Variants in BRIX1 observed in about 807,000 individuals in gnomAD.
BRIX1 encodes biogenesis of ribosomes BRX1.
BRIX1 carries 15 observed loss-of-function variants against 44.0 expected under a neutral mutation model. That is an observed-to-expected ratio of 0.34 (90% CI 0.23 to 0.53). BRIX1 has a LOEUF of 0.53. BRIX1 is among the 20% of genes least tolerant of loss of function. The probability of loss-of-function intolerance (pLI) is 0.95; values close to 1 mark genes in which losing one functional copy is unlikely to be tolerated. For synonymous variants in BRIX1, 149 were observed against 135.4 expected, an observed-to-expected ratio of 1.10 and a Z score of -0.70; for missense variants, 420 against 432.8, an observed-to-expected ratio of 0.97 and a Z score of 0.26.
chr5:34,919,588 T>C (rs145128531), intron 2 of BRIX1, among the ~76,000 whole-genome samples: 181 of 152,296 alleles, frequency 1.2e-3, no homozygotes, highest in African/African-American at 4.2e-3. Context: ...TACCTAAATA[T>C]TGAGAAACAC....
rs939714131 is a variant in BRIX1, at chr5:34,919,374, TTTTG to T, written c.272-462_272-459del. On this transcript the variant is annotated intron_variant, in intron 2 of 9. Transcript: ENST00000336767. ...TATGTTGAGAGGTGCTTTGGGGTTT[TTTTG>T]TTTTTTGTTTTTTATTTTTAAAATT... Among the ~76,000 whole-genome samples, 9 of 151,922 alleles carry T rather than the reference TTTTG, an allele frequency of 5.9e-5. 1 individual carries two copies. The highest frequency in any genetic ancestry group is 2.0e-4 in the Admixed American group (3 of 15,270).
intron 1 of BRIX1, 127 bp from the exon 2 acceptor site, chr5:34,918,237 C>A: frequency 1.9e-6 from 1 of 528,194 alleles, no homozygotes; most frequent in Non-Finnish European, 3.4e-6. Context: ...CTTACTTGAG[C>A]CCAGGAACTT....
chr5:34,915,761 G>T lies in BRIX1; in HGVS notation c.23G>T (p.Arg8Leu). The T allele has an allele frequency of 6.2e-7, 1 of 1,604,008 alleles. No homozygotes were observed. The highest frequency in any genetic ancestry group is 1.1e-5 in the South Asian group (1 of 89,552). Residue 8 changes from arginine (R) to leucine (L), a missense_variant, in exon 1 of 10, where the codon CGG (arginine) becomes CTG (leucine). By Grantham distance (102) the Arg-to-Leu change is moderately radical (BLOSUM62 -2). Transcript: ENST00000336767. MAATKRK[R>L]RGGFAVQAKK... Reference sequence around the variant, plus strand: ...AAGATGGCGGCAACCAAGAGGAAACGGCGTGGAGGCTTTGCAGTTCAGGCG... The same window carrying T: ...AAGATGGCGGCAACCAAGAGGAAACTGCGTGGAGGCTTTGCAGTTCAGGCG...
chr5:34,915,725 G>A lies in BRIX1; in HGVS notation c.-14G>A, dbSNP rs749185134. 6.3e-7 allele frequency: 1 copy of A among 1,593,676 alleles called. No homozygotes were observed. The highest frequency in any genetic ancestry group is 8.5e-7 in the Non-Finnish European group (1 of 1,170,532). On this transcript the variant is annotated 5_prime_UTR_variant, in exon 1 of 10. Transcript: ENST00000336767. ...CGCCGGAAAGGAGGCCAAGAGCGCG[G>A]GCGGCGAGGCAAGATGGCGGCAACC...
chr5:34,924,778 G>T, intron 8 of BRIX1, 69 bp from the exon 9 acceptor site: 2 of 1,055,048 alleles, frequency 1.9e-6, no homozygotes, highest in Non-Finnish European at 1.5e-6. Flanking sequence ...TTATAATGAG[G>T]TTATAGCCAG....
At chr5:34,924,670 A>G (rs1157352680) in intron 8 of BRIX1, among the ~76,000 whole-genome samples, 177 bp from the exon 9 acceptor site, 1 of 152,216 alleles carries the variant, frequency 6.6e-6, no homozygotes, top group African/African-American at 2.4e-5. Flanking sequence ...ACAACTTCCT[A>G]TAAGTACTAA....
chr5:34,918,214 G>A (rs776412977), intron 1 of BRIX1, 150 bp from the exon 2 acceptor site: 1 of 511,212 alleles, frequency 2.0e-6, no homozygotes, highest in Non-Finnish European at 3.5e-6. Context: ...TAGATGCTGG[G>A]GTGGGAGGAT....
chr5:34,915,928 C>T (rs1764066194), intron 1 of BRIX1, 31 bp downstream of exon 1: 5 of 1,508,400 alleles, frequency 3.3e-6, no homozygotes, highest in Non-Finnish European at 4.4e-6. Flanking sequence ...GCTACACCTG[C>T]GGCGGCGGCT....
chr5:34,922,292 G>C lies in BRIX1; in HGVS notation c.386+5G>C. 6.6e-7 allele frequency: 1 copy of C among 1,526,266 alleles called. No individual in the cohort carries two copies. The highest frequency in any genetic ancestry group is 9.0e-7 in the Non-Finnish European group (1 of 1,108,910). 94.5% of individuals were successfully genotyped at this position (1,526,266 alleles called of 1,614,324 possible). ...AAAACAGGATCTCTATATGTGGTAA[G>C]AGAATGTATTAAGATTTTGGTTAAA... is the stretch of plus-strand genomic sequence containing the variant. On this transcript the variant is annotated splice_donor_5th_base_variant and intron_variant, in intron 4 of 9. Coordinates refer to ENST00000336767, the MANE Select transcript of BRIX1 (RefSeq NM_018321.4).
intron 8 of BRIX1, chr5:34,923,435 G>A: frequency 5.3e-6 from 3 of 566,964 alleles, no homozygotes; most frequent in East Asian, 2.9e-5. Flanking sequence ...CCATCATCAC[G>A]CCTGGCTAAT....
chr5:34,918,361 T>C lies in BRIX1; in HGVS notation c.160-3T>C, dbSNP rs765311997. 5 of 1,364,170 alleles carry C rather than the reference T, an allele frequency of 3.7e-6. No homozygotes were observed. Among genetic ancestry groups the C allele is most frequent in the Non-Finnish European group, 5.2e-6 (5 of 963,062 alleles). The allele number at this position is 1,364,170 out of a possible 1,614,324, so 84.5% of individuals were successfully genotyped here. A position where few individuals can be genotyped will look rare whatever the true frequency, so the allele number is the denominator to read the frequency against. On this transcript the variant is annotated splice_region_variant and splice_polypyrimidine_tract_variant and intron_variant, in intron 1 of 9. Coordinates refer to ENST00000336767, the MANE Select transcript of BRIX1 (RefSeq NM_018321.4). ...AATCTTTTAACATTTTCTTTTTCTT[T>C]AGGGAAAGTGGAAAAATAAGGAACG...
chr5:34,915,762 G>A lies in BRIX1; in HGVS notation c.24G>A (p.Arg8=). 1 of 1,604,658 alleles carries A rather than the reference G, an allele frequency of 6.2e-7. No individual in the cohort carries two copies. The highest frequency in any genetic ancestry group is 8.5e-7 in the Non-Finnish European group (1 of 1,175,606). Residue 8 remains arginine, a synonymous_variant, in exon 1 of 10, where the codon CGG becomes CGA. Coordinates refer to ENST00000336767, the MANE Select transcript of BRIX1 (RefSeq NM_018321.4). ...AGATGGCGGCAACCAAGAGGAAACG[G>A]CGTGGAGGCTTTGCAGTTCAGGCGA... MAATKRK[R]RGGFAVQAKK... is the part of the protein sequence containing the mutation.
rs114920792 is a variant in BRIX1, at chr5:34,919,868, A to G, written c.300A>G (p.Leu100=). 3.7e-4 allele frequency: 446 copies of G among 1,190,608 alleles called. 3 individuals carry two copies. The African/African-American group carries it at 6.4e-3, about 17-fold the overall frequency. The allele number at this position is 1,190,608 out of a possible 1,614,324, so 73.8% of individuals were successfully genotyped here. A position where few individuals can be genotyped will look rare whatever the true frequency, so the allele number is the denominator to read the frequency against. ...ADTKMDRKDK[L]FVINEVCEMK... ...CTAAAATGGATCGTAAGGATAAGCT[A>G]TTTGTGATTAACGAGGTAATTTTGG... Residue 100 remains leucine (L), a synonymous_variant, in exon 3 of 10, where the codon CTA becomes CTG. Coordinates refer to ENST00000336767, the MANE Select transcript of BRIX1 (RefSeq NM_018321.4).
intron 1 of BRIX1, chr5:34,918,095 G>T: frequency 4.5e-6 from 1 of 224,350 alleles, no homozygotes; most frequent in East Asian, 9.0e-5. Flanking sequence ...TTGAGCCCAG[G>T]TGTTGGAGAC....
In BRIX1 at chr5:34,925,552, T is replaced by G. The variant is rs572215432; in HGVS notation, c.*57T>G. 4.4e-5 allele frequency: 64 copies of G among 1,450,514 alleles called. No homozygotes were observed. The African/African-American group carries it at 8.6e-4, about 20-fold the overall frequency. 89.9% of individuals were successfully genotyped at this position (1,450,514 alleles called of 1,614,324 possible). ...CTTTATATTTATTTTGTATTCAATGTGTAAATACTTTTATTATCTAATACT... is the reference window on the plus strand; with the variant it reads ...CTTTATATTTATTTTGTATTCAATGGGTAAATACTTTTATTATCTAATACT... On this transcript the variant is annotated 3_prime_UTR_variant, in exon 10 of 10. Transcript: ENST00000336767.
chr5:34,919,997 CATTT>C, intron 3 of BRIX1, 114 bp downstream of exon 3: 1 of 523,722 alleles, frequency 1.9e-6, no homozygotes, highest in Middle Eastern at 3.0e-4. Flanking sequence ...TATTCAGACA[CATTT>C]TATTAACTCT....
chr5:34,922,329 G>T, intron 4 of BRIX1, 42 bp downstream of exon 4: 1 of 1,254,512 alleles, frequency 8.0e-7, no homozygotes. Context: ...TCATTTAAGT[G>T]GATTTGTTCT....
chr5:34,923,297 G>A, intron 8 of BRIX1, 63 bp downstream of exon 8: 2 of 1,317,042 alleles, frequency 1.5e-6, no homozygotes, highest in Non-Finnish European at 2.2e-6. Context: ...TTTATGTTTT[G>A]AGACAGAGTC....
Position 34,925,613 on chromosome 5 carries a change from G to T in BRIX1, c.*118G>T. The T allele has an allele frequency of 2.6e-6, 2 of 772,402 alleles. No individual in the cohort carries two copies. The highest frequency in any genetic ancestry group is 3.0e-5 in the East Asian group (1 of 33,872). The allele number at this position is 772,402 out of a possible 1,614,324, so 47.8% of individuals were successfully genotyped here. ...TAATTAGTGTAGCATTTACAAGAAA[G>T]AAAAATTAAGATCTTAAAATCAGTG... On this transcript the variant is annotated 3_prime_UTR_variant, in exon 10 of 10. Coordinates refer to ENST00000336767, the MANE Select transcript of BRIX1 (RefSeq NM_018321.4).
Sources: gnomAD v4.1 joint callset for allele counts (sites outside exome capture counted in the v4.1 genomes callset) on GRCh38, gnomAD v4.1.1 for gene constraint, MANE v1.5 for transcripts, NCBI Gene and HGNC (gene_info 2026-07-23, HGNC 2026-07-21) for gene names.